The following TRAF3IP3 variants were observed in gnomAD, a reference collection of about 807,000 sequenced individuals.
TRAF3IP3 encodes the protein TRAF3 interacting protein 3, also known as TRAF3-interacting JNK-activating modulator.
TRAF3IP3 carries 64 observed loss-of-function variants against 86.5 expected under a neutral mutation model. That is an observed-to-expected ratio of 0.74 (90% confidence interval 0.60 to 0.91). The LOEUF (loss-of-function observed/expected upper bound fraction) is 0.91. Ranked by LOEUF, TRAF3IP3 falls within the 40% of genes least tolerant of loss-of-function variation. TRAF3IP3 has a pLI of 0.00. For synonymous variants in TRAF3IP3, 220 were observed against 243.9 expected, an observed-to-expected ratio of 0.90 and a Z score of 0.91; for missense variants, 579 against 642.9, an observed-to-expected ratio of 0.90 and a Z score of 1.07.
At chr1:209,758,065 CTG>C (rs138857115) in intron 1 of TRAF3IP3, among the ~76,000 whole-genome samples, 3,184 of 152,312 alleles carry the variant, frequency 0.021, 42 homozygotes, top group Non-Finnish European at 0.033. Context: ...CTCAGGGATG[CTG>C]TGAGTGTAGG....
chr1:209,774,862 G>C lies in TRAF3IP3; in HGVS notation c.775-487G>C, dbSNP rs192817944. The stretch of plus-strand genomic sequence containing the variant: ...CCACATAACACTACTACTAGAGCCT[G>C]AACTAAGGAAGCAGCAGTAGGGATA... On this transcript the variant is annotated intron_variant, in intron 9 of 16. Coordinates refer to ENST00000367025, the MANE Select transcript of TRAF3IP3 (RefSeq NM_025228.4). Among the ~76,000 whole-genome samples, 19 of 152,290 alleles carry C rather than the reference G, an allele frequency of 1.2e-4. 2 individuals are homozygous for C. Among genetic ancestry groups the C allele is most frequent in the Admixed American group, 1.2e-3 (19 of 15,296 alleles).
At chr1:209,765,564 G>A (rs1220603512) in intron 8 of TRAF3IP3, among the ~76,000 whole-genome samples, 2 of 152,168 alleles carry the variant, frequency 1.3e-5, no homozygotes, top group Non-Finnish European at 2.9e-5. Context: ...GAACTCAGGA[G>A]GCTAAGGCAG....
At chr1:209,780,222 G>A in intron 14 of TRAF3IP3, 1 of 294,820 alleles carries the variant, frequency 3.4e-6, no homozygotes, top group Non-Finnish European at 6.2e-6. Flanking sequence ...TCTAGCACTA[G>A]ATAAGACTGG....
In TRAF3IP3 at chr1:209,763,087, G is replaced by T. The variant is rs753776916; in HGVS notation, c.571G>T (p.Asp191Tyr). ...TTCCAGTTACGGAGTTGCAGTTCTG[G>T]ATAAGGTAAGCACATATTCACTTTG... ...QQTNYGVAVL[D>Y]KEIIQLSDYL... The change falls in exon 6 of 17, where the codon GAT becomes TAT. Residue 191 changes from aspartate (D) to tyrosine (Y), a missense_variant. Transcript: ENST00000367025. 1 of 1,613,426 alleles carries T rather than the reference G, an allele frequency of 6.2e-7. No homozygotes were observed.
At chr1:209,769,049 C>A (rs2077412320) in intron 8 of TRAF3IP3, among the ~76,000 whole-genome samples, 1 of 152,064 alleles carries the variant, frequency 6.6e-6, no homozygotes, top group Non-Finnish European at 1.5e-5. Context: ...TTGAAAGAGG[C>A]AAAATATTGG....
At chr1:209,759,302 G>T (rs777435199) in intron 2 of TRAF3IP3, among the ~76,000 whole-genome samples, 168 bp downstream of exon 2, 1 of 152,176 alleles carries the variant, frequency 6.6e-6, no homozygotes, top group Non-Finnish European at 1.5e-5. Context: ...GGAGTGGGGG[G>T]CCCATGGACC....
intron 9 of TRAF3IP3, among the ~76,000 whole-genome samples, chr1:209,773,318 G>T (rs999955374): frequency 1.3e-5 from 2 of 152,200 alleles, no homozygotes; most frequent in African/African-American, 2.4e-5. Flanking sequence ...CACTGTAGGG[G>T]AAGGCCCTTG....
At chr1:209,781,618 A>G (rs1460352813) in intron 16 of TRAF3IP3, 160 bp downstream of exon 16, 5 of 544,612 alleles carry the variant, frequency 9.2e-6, no homozygotes, top group Non-Finnish European at 1.6e-5. Context: ...ACCATTGAAA[A>G]AAACACTGGC....
chr1:209,771,929 G>C (rs1010797236), intron 8 of TRAF3IP3, among the ~76,000 whole-genome samples: 6 of 137,298 alleles, frequency 4.4e-5, no homozygotes, highest in Non-Finnish European at 9.4e-5. Context: ...GTGTGCGTGT[G>C]CATATGCAGG....
chr1:209,772,364 CT>C (rs1242650738), intron 8 of TRAF3IP3, among the ~76,000 whole-genome samples: 4 of 152,126 alleles, frequency 2.6e-5, no homozygotes, highest in African/African-American at 9.7e-5. Flanking sequence ...TTAGGGCCAG[CT>C]TAATGGCCTC....
At chr1:209,780,391 C>T (rs2077750202) in intron 14 of TRAF3IP3, 79 bp from the exon 15 acceptor site, 4 of 1,356,870 alleles carry the variant, frequency 2.9e-6, no homozygotes, top group Non-Finnish European at 3.9e-6. Context: ...CCTCTCCCCA[C>T]TCCTAGTGGT....
chr1:209,756,857 C>A (rs2102418204), intron 1 of TRAF3IP3, among the ~76,000 whole-genome samples: 1 of 152,322 alleles, frequency 6.6e-6, no homozygotes, highest in East Asian at 1.9e-4. Flanking sequence ...GCCTGAGAGA[C>A]CAGGCTGAGC....
rs752180472 is a variant in TRAF3IP3 at position 209,775,434 on chromosome 1, T to C, written c.860T>C (p.Leu287Pro). The C allele has an allele frequency of 6.2e-7, 1 of 1,614,184 alleles. No individual in the cohort carries two copies. Among genetic ancestry groups the C allele is most frequent in the East Asian group, 2.2e-5 (1 of 44,884 alleles). ...NSYEQKAKES[L>P]QKVLEEKMNA... ...TATGAGCAGAAGGCCAAGGAGTCAC[T>C]GCAGAAAGTGCTGGAGGAGAAAATG... is the stretch of plus-strand genomic sequence containing the variant. Residue 287 changes from leucine to proline, a missense_variant, in exon 10 of 17, where the codon CTG becomes CCG. Physicochemically the swap from Leu to Pro is moderately conservative, Grantham distance 98 (BLOSUM62 -3). Coordinates refer to ENST00000367025, the MANE Select transcript of TRAF3IP3 (RefSeq NM_025228.4).
At chr1:209,768,394 T>G (rs1406693521) in intron 8 of TRAF3IP3, 1 of 985,326 alleles carries the variant, frequency 1.0e-6, no homozygotes, top group Non-Finnish European at 1.2e-6. Flanking sequence ...ACAGCTCTAC[T>G]AGCAGAGAAA....
At chr1:209,781,030 T>C in intron 15 of TRAF3IP3, 1 of 228,822 alleles carries the variant, frequency 4.4e-6, no homozygotes, top group Non-Finnish European at 8.8e-6. Flanking sequence ...AGGTCACTTC[T>C]AGGTCGTTTG....
rs1233620475 is a variant in TRAF3IP3, at chr1:209,770,981, GGT to G, written c.703-1957_703-1956del. Among the ~76,000 whole-genome samples the G allele has an allele frequency of 2.3e-3, 322 of 142,878 alleles. 1 individual carries two copies. Among genetic ancestry groups the G allele is most frequent in the African/African-American group, 7.9e-3 (302 of 38,048 alleles). 93.7% of individuals were successfully genotyped at this position (142,878 alleles called of 152,430 possible). On this transcript the variant is annotated intron_variant, in intron 8 of 16. Coordinates refer to ENST00000367025, the MANE Select transcript of TRAF3IP3 (RefSeq NM_025228.4). ...GTGGAGGGGTGCGTGTGCATGTGGAGGTGTGTGTGTGCAGGTGGAGGTGTGCG... is the reference window on the plus strand; with the variant it reads ...GTGGAGGGGTGCGTGTGCATGTGGAGGTGTGTGTGCAGGTGGAGGTGTGCG...
At chr1:209,757,289 G>A (rs966108312) in intron 1 of TRAF3IP3, among the ~76,000 whole-genome samples, 2 of 152,216 alleles carry the variant, frequency 1.3e-5, no homozygotes, top group Non-Finnish European at 2.9e-5. Flanking sequence ...GGCCTGGGTG[G>A]AGAGCCCAGA....
In TRAF3IP3 at chr1:209,781,373, A is replaced by G. The variant is rs1306183518; in HGVS notation, c.1478A>G (p.Asn493Ser). ...AGAGAACTGCATTCAGAATTAGACA[A>G]CCTCAGTGACGAGTATCTCTCCTGC... ...ECRELHSELD[N>S]LSDEYLSCLR... Residue 493 changes from asparagine (N) to serine (S), a missense_variant, in exon 16 of 17, where the codon AAC becomes AGC. Coordinates refer to ENST00000367025, the MANE Select transcript of TRAF3IP3 (RefSeq NM_025228.4). The G allele has an allele frequency of 1.1e-5, 17 of 1,613,344 alleles. No individual in the cohort carries two copies. The highest frequency in any genetic ancestry group is 5.5e-5 in the South Asian group (5 of 91,044).
Position 209,781,384 on chromosome 1 carries a change from G to T in TRAF3IP3, c.1489G>T (p.Glu497Ter). 1 of 1,613,500 alleles carries T rather than the reference G, an allele frequency of 6.2e-7. No individual in the cohort carries two copies. Among genetic ancestry groups the T allele is most frequent in the South Asian group, 1.1e-5 (1 of 91,014 alleles). Residue 497 changes from glutamate to a stop codon, truncating the protein, a stop_gained, in exon 16 of 17, where the codon GAG (glutamate) becomes TAG (stop). Coordinates refer to ENST00000367025, the MANE Select transcript of TRAF3IP3 (RefSeq NM_025228.4). LOFTEE classifies it high-confidence loss of function. ...TTCAGAATTAGACAACCTCAGTGAC[G>T]AGTATCTCTCCTGCCTGCGTAAGCT... ...LHSELDNLSDEYLSCLRKLQH... is the reference protein window; with the variant it reads ...LHSELDNLSD
Sources: allele counts gnomAD v4.1 joint callset (sites outside exome capture counted in the v4.1 genomes callset), GRCh38; gene constraint gnomAD v4.1.1; transcripts MANE v1.5; gene names NCBI Gene and HGNC (gene_info 2026-07-23, HGNC 2026-07-21).